Variants in UPF3A observed in about 807,000 individuals in gnomAD.
The protein encoded by UPF3A is regulator of nonsense transcripts 3A.
In UPF3A, 42 loss-of-function variants were observed where a neutral mutation model predicts 53.5. That is an observed-to-expected ratio of 0.78 (90% CI 0.61 to 1.01). UPF3A has a LOEUF of 1.01. UPF3A is among the 50% of genes least tolerant of loss of function. UPF3A has a pLI of 0.00. For synonymous variants in UPF3A, 237 were observed against 225.3 expected (o/e 1.05, Z -0.47); for missense variants, 575 against 598.0 (o/e 0.96, Z 0.40).
chr13:114,284,334 C>T (rs1594753761), intron 3 of UPF3A, among the ~76,000 whole-genome samples: 1 of 151,514 alleles, frequency 6.6e-6, no homozygotes, highest in African/African-American at 2.4e-5. Flanking sequence ...TGCATCCCAG[C>T]CGGGGCGACG....
intron 3 of UPF3A, chr13:114,283,476 CTATT>C (rs2084340513): frequency 1.3e-5 from 2 of 152,202 alleles, no homozygotes; most frequent in African/African-American, 4.8e-5. Context: ...TAGTGACAGC[CTATT>C]TATGTATTAT....
intron 7 of UPF3A, among the ~76,000 whole-genome samples, chr13:114,293,110 G>T (rs28550764): frequency 6.8e-6 from 1 of 148,034 alleles, no homozygotes; most frequent in African/African-American, 2.5e-5. Context: ...CTGGCCGGGT[G>T]GGGTGGCTGA....
chr13:114,291,758 A>G lies in UPF3A; in HGVS notation c.812A>G (p.Gln271Arg), dbSNP rs756279155. The change falls in exon 7 of 10, where the codon CAG becomes CGG. Residue 271 changes from glutamine (Q) to arginine (R), a missense_variant. Gln to Arg is a conservative substitution (Grantham distance 43, BLOSUM62 1). Transcript: ENST00000375299. ...ERCKKKETDK[Q>R]KKIAEKEVRI... is the part of the protein sequence containing the mutation. ...TGCAAAAAAAAAGAGACAGATAAAC[A>G]GAAGAAAATTGCAGAGAAAGAAGTA... The G allele has an allele frequency of 3.1e-6, 5 of 1,591,782 alleles. No homozygotes were observed. Among genetic ancestry groups the G allele is most frequent in the Non-Finnish European group, 3.4e-6 (4 of 1,169,718 alleles).
chr13:114,298,399 G>T lies in UPF3A; in HGVS notation c.847-441G>T, dbSNP rs572354559. On this transcript the variant is annotated intron_variant, in intron 7 of 9. Coordinates refer to ENST00000375299, the MANE Select transcript of UPF3A (RefSeq NM_023011.4). Reference sequence around the variant, plus strand: ...AAAAAAAAAAAAAAAAATTAGACGGGTATGGTGGCGCATGCCTGTCGTCCC... The same window carrying T: ...AAAAAAAAAAAAAAAAATTAGACGGTTATGGTGGCGCATGCCTGTCGTCCC... Among the ~76,000 whole-genome samples the T allele has an allele frequency of 2.0e-5, 3 of 152,024 alleles. No homozygotes were observed. In the East Asian group the frequency reaches 5.8e-4, roughly 29 times the overall value.
Position 114,286,459 on chromosome 13 carries a change from G to T in UPF3A, c.520+59G>T, listed in dbSNP as rs967352900. On this transcript the variant is annotated intron_variant, in intron 4 of 9. Coordinates refer to ENST00000375299, the MANE Select transcript of UPF3A (RefSeq NM_023011.4). ...GCCAAATTAAGAACACTGAGCAAAT[G>T]TAATTCTCCCGTAGTTGGGAAAGAT... 1.9e-6 allele frequency: 3 copies of T among 1,611,378 alleles called. No homozygotes were observed. In the African/African-American group the frequency reaches 4.0e-5, roughly 22 times the overall value.
intron 3 of UPF3A, among the ~76,000 whole-genome samples, chr13:114,284,473 G>A (rs2139146408): frequency 6.6e-6 from 1 of 150,940 alleles, no homozygotes; most frequent in Admixed American, 6.6e-5. Context: ...GAGGAATGTA[G>A]ATCAGTTGAG....
Position 114,299,015 on chromosome 13 carries a change from A to G in UPF3A, c.1007+15A>G. On this transcript the variant is annotated intron_variant, in intron 8 of 9. Transcript: ENST00000375299. Reference sequence around the variant, plus strand: ...CCCCAGGAGACGTGAGCGTGCTTTCATTGTTATGACCACGTCAGCTCCCAG... The same window carrying G: ...CCCCAGGAGACGTGAGCGTGCTTTCGTTGTTATGACCACGTCAGCTCCCAG... The G allele has an allele frequency of 4.4e-6, 7 of 1,585,978 alleles. No homozygotes were observed. The highest frequency in any genetic ancestry group is 6.0e-6 in the Non-Finnish European group (7 of 1,169,636).
rs1413098578 is a variant in UPF3A at position 114,305,282 on chromosome 13, G to A, written c.*365G>A. The A allele has an allele frequency of 1.4e-5, 4 of 280,466 alleles. No individual in the cohort carries two copies. The highest frequency in any genetic ancestry group is 9.0e-5 in the African/African-American group (4 of 44,512). 17.4% of individuals were successfully genotyped at this position (280,466 alleles called of 1,614,324 possible). On this transcript the variant is annotated 3_prime_UTR_variant, in exon 10 of 10. Transcript: ENST00000375299. ...TGCTGTGAGAACGACATCCACTTTGGGTTTCATTCGTTTGTAAGCAGAGGA... is the reference window on the plus strand; with the variant it reads ...TGCTGTGAGAACGACATCCACTTTGAGTTTCATTCGTTTGTAAGCAGAGGA...
At chr13:114,296,431 A>G (rs1284735649) in intron 7 of UPF3A, among the ~76,000 whole-genome samples, 1 of 152,150 alleles carries the variant, frequency 6.6e-6, no homozygotes, top group African/African-American at 2.4e-5. Context: ...GAGCACATCA[A>G]GGTGCTGGGA....
At chr13:114,286,220 TTAAG>T (rs1297699790) in intron 3 of UPF3A, 78 bp from the exon 4 acceptor site, 17 of 1,548,762 alleles carry the variant, frequency 1.1e-5, no homozygotes, top group Non-Finnish European at 1.5e-5. Flanking sequence ...CACTTACTCT[TTAAG>T]TAAGTTAGGT....
In UPF3A at chr13:114,281,899, TGGAGGGAGG is replaced by T. The variant is rs556799572; in HGVS notation, c.207+74_207+82del. 8.5e-3 allele frequency: 5,295 copies of T among 621,814 alleles called. 90 individuals carry two copies. The highest frequency in any genetic ancestry group is 0.057 in the African/African-American group (2,176 of 38,060). The allele number at this position is 621,814 out of a possible 1,614,324, so 38.5% of individuals were successfully genotyped here. ...CTCGCGAGGAGAGGACGGCCCTGAG[TGGAGGGAGG>T]GGAGGGAGGGGAGGGAGGGGCGGGG... On this transcript the variant is annotated intron_variant, in intron 1 of 9. Coordinates refer to ENST00000375299, the MANE Select transcript of UPF3A (RefSeq NM_023011.4).
intron 9 of UPF3A, 30 bp from the exon 10 acceptor site, chr13:114,304,759 G>T: frequency 6.2e-7 from 1 of 1,610,826 alleles, no homozygotes; most frequent in South Asian, 1.1e-5. Context: ...CTACCTCTTG[G>T]AAGAGTAACA....
Position 114,291,460 on chromosome 13 carries a change from A to C in UPF3A, c.632-29A>C, listed in dbSNP as rs41291209. ...AAAATACATCTTTCTTTAGGAGTTA[A>C]ATACAATATTACAATTTTTGTGTTT... On this transcript the variant is annotated intron_variant, in intron 5 of 9. Transcript: ENST00000375299. The C allele has an allele frequency of 9.6e-3, 14,936 of 1,557,560 alleles. 102 individuals are homozygous for C. The highest frequency in any genetic ancestry group is 0.011 in the Non-Finnish European group (13,084 of 1,144,782).
At chr13:114,300,976 A>G (rs973766455) in intron 8 of UPF3A, among the ~76,000 whole-genome samples, 3 of 150,908 alleles carry the variant, frequency 2.0e-5, no homozygotes, top group African/African-American at 7.4e-5. Context: ...ACACCTGGCT[A>G]ATTTTTGTAT....
Position 114,295,425 on chromosome 13 carries a change from G to T in UPF3A, c.847-3415G>T, listed in dbSNP as rs544919671. On this transcript the variant is annotated intron_variant, in intron 7 of 9. Transcript: ENST00000375299. The stretch of plus-strand genomic sequence containing the variant: ...TGGCGTGCTCCCCAGCTCGTCTCCA[G>T]CGGCTCTGGCCTGCTGGTTTCTCAT... 2.0e-5 allele frequency among the ~76,000 whole-genome samples: 3 copies of T among 151,030 alleles called. No individual in the cohort carries two copies. In the South Asian group the frequency reaches 6.4e-4, roughly 32 times the overall value.
intron 9 of UPF3A, among the ~76,000 whole-genome samples, chr13:114,304,110 G>T (rs1285540838): frequency 6.6e-6 from 1 of 152,194 alleles, no homozygotes; most frequent in Non-Finnish European, 1.5e-5. Flanking sequence ...CGGGAGGCGC[G>T]TGGAGCAGGA....
At chr13:114,288,517 A>T (rs767039305) in intron 5 of UPF3A, among the ~76,000 whole-genome samples, 1 of 152,238 alleles carries the variant, frequency 6.6e-6, no homozygotes, top group Non-Finnish European at 1.5e-5. Context: ...TGGGGTTGGC[A>T]CACATGGGTG....
intron 7 of UPF3A, among the ~76,000 whole-genome samples, chr13:114,297,167 C>G (rs188978623): frequency 6.6e-6 from 1 of 151,872 alleles, no homozygotes; most frequent in African/African-American, 2.4e-5. Flanking sequence ...GAACAGAATT[C>G]TCAGATGTAC....
intron 8 of UPF3A, among the ~76,000 whole-genome samples, chr13:114,300,529 T>C (rs9590511): frequency 0.4 from 61,168 of 151,398 alleles, 15,514 homozygotes; most frequent in African/African-American, 0.72. Context: ...CCACCATGCC[T>C]GGCTAATTTT....
Sources: gnomAD v4.1 joint callset for allele counts (sites outside exome capture counted in the v4.1 genomes callset) on GRCh38, gnomAD v4.1.1 for gene constraint, MANE v1.5 for transcripts, NCBI Gene and HGNC (gene_info 2026-07-23, HGNC 2026-07-21) for gene names.